IRF6: variants seen among roughly 807,000 people sequenced by gnomAD.
The protein encoded by IRF6 is Van der Woude syndrome.
A neutral mutation model predicts 51.4 loss-of-function variants in IRF6; 6 were observed. The ratio of observed to expected loss-of-function variants is 0.12; its 90% CI spans 0.06 to 0.23. The LOEUF (loss-of-function observed/expected upper bound fraction) is 0.23. Ranked by LOEUF, IRF6 falls within the 10% of genes least tolerant of loss-of-function variation. The probability of loss-of-function intolerance (pLI) is 1.00; values close to 1 mark genes in which losing one functional copy is unlikely to be tolerated. For missense variants in IRF6, 348 were observed against 585.2 expected, an observed-to-expected ratio of 0.59 and a Z score of 4.18; for synonymous variants, 178 against 215.7, an observed-to-expected ratio of 0.83 and a Z score of 1.53.
At chr1:209,804,110 T>TA (rs1293293848) in intron 1 of IRF6, among the ~76,000 whole-genome samples, 1 of 152,254 alleles carries the variant, frequency 6.6e-6, no homozygotes, top group Non-Finnish European at 1.5e-5. Context: ...ATTTATAATT[T>TA]AAAAAACTAC....
chr1:209,797,457 C>T (rs908690318), intron 3 of IRF6, among the ~76,000 whole-genome samples: 8 of 151,624 alleles, frequency 5.3e-5, no homozygotes, highest in Non-Finnish European at 1.0e-4. Flanking sequence ...TCAGCTTGTC[C>T]CTCTGGCTGA....
At chr1:209,802,878 C>A (rs2077952201) in intron 1 of IRF6, among the ~76,000 whole-genome samples, 1 of 152,222 alleles carries the variant, frequency 6.6e-6, no homozygotes, top group African/African-American at 2.4e-5. Context: ...TGGCCCATAA[C>A]ACCACTTCTC....
chr1:209,803,290 T>A (rs1452207190), intron 1 of IRF6, among the ~76,000 whole-genome samples: 1 of 152,198 alleles, frequency 6.6e-6, no homozygotes, highest in East Asian at 1.9e-4. Context: ...GTCAATCTAG[T>A]AAAGAGCTTT....
Position 209,796,634 on chromosome 1 carries a change from A to ACACACACACACAC in IRF6, c.175-83_175-82insGTGTGTGTGTGTG. On this transcript the variant is annotated intron_variant, in intron 3 of 8. Transcript: ENST00000367021. The surrounding 1 kb of genome is among the most constrained non-coding windows in gnomAD (Gnocchi z 4.5). ...GTGCTTACCCTTTCTCATAGACACAAACACACACACACACACACACACACA... is the reference window on the plus strand; with the variant it reads ...GTGCTTACCCTTTCTCATAGACACAACACACACACACACACACACACACACACACACACACACA... 1.8e-6 allele frequency: 1 copy of ACACACACACACAC among 540,926 alleles called. No individual in the cohort carries two copies. Among genetic ancestry groups the ACACACACACACAC allele is most frequent in the South Asian group, 2.1e-5 (1 of 48,442 alleles). 33.5% of individuals were successfully genotyped at this position (540,926 alleles called of 1,614,324 possible). A position where few individuals can be genotyped will look rare whatever the true frequency, so the allele number is the denominator to read the frequency against.
chr1:209,799,426 G>A (rs554063771), intron 3 of IRF6, among the ~76,000 whole-genome samples: 2 of 152,308 alleles, frequency 1.3e-5, no homozygotes, highest in South Asian at 4.1e-4. Flanking sequence ...CCCTTACAGG[G>A]TTGTCACGAG....
intron 6 of IRF6, among the ~76,000 whole-genome samples, chr1:209,791,432 T>C (rs1276393311): frequency 6.6e-6 from 1 of 152,212 alleles, no homozygotes; most frequent in Non-Finnish European, 1.5e-5. Flanking sequence ...ATAGCCCCTA[T>C]CAAAGCTACT....
chr1:209,792,608 C>G, intron 5 of IRF6, 181 bp from the exon 6 acceptor site: 2 of 633,938 alleles, frequency 3.2e-6, no homozygotes, highest in Non-Finnish European at 5.5e-6. Context: ...TTCCCCTGCT[C>G]CTGCTTCCTA....
intron 3 of IRF6, 63 bp downstream of exon 3, chr1:209,801,177 C>T (rs2077938750): frequency 1.5e-6 from 2 of 1,306,452 alleles, no homozygotes; most frequent in Non-Finnish European, 2.1e-6. Flanking sequence ...AGTGTATTCC[C>T]CATGCCAAAA....
At chr1:209,804,753 C>T (rs3753517) in intron 1 of IRF6, among the ~76,000 whole-genome samples, 6,845 of 152,236 alleles carry the variant, frequency 0.045, 816 homozygotes, top group East Asian at 0.41. Context: ...AGCAGGTCCT[C>T]CATAAACACC....
In IRF6 at chr1:209,806,091, T is replaced by C. The variant is rs897801409; in HGVS notation, c.-220A>G. The C allele has an allele frequency of 6.6e-6, 1 of 152,330 alleles. No individual in the cohort carries two copies. Among genetic ancestry groups the C allele is most frequent in the African/African-American group, 2.4e-5 (1 of 41,422 alleles). The allele number at this position is 152,330 out of a possible 1,614,324, so 9.4% of individuals were successfully genotyped here. The stretch of plus-strand genomic sequence containing the variant: ...TAGGGACTGCAGGTTCCTCTCCCCG[T>C]CCCGCACCAGCCCTTACCTGCCCAG... On this transcript the variant is annotated 5_prime_UTR_variant, in exon 1 of 9. Transcript: ENST00000367021.
At chr1:209,805,450 G>A (rs1253002668) in intron 1 of IRF6, among the ~76,000 whole-genome samples, 1 of 152,180 alleles carries the variant, frequency 6.6e-6, no homozygotes, top group Non-Finnish European at 1.5e-5. Flanking sequence ...CAGGCCCAGG[G>A]CGAAGGGCCT....
At chr1:209,794,277 G>A (rs970170336) in intron 5 of IRF6, among the ~76,000 whole-genome samples, 7 of 152,206 alleles carry the variant, frequency 4.6e-5, no homozygotes, top group Admixed American at 2.6e-4. Context: ...ACTGGTGTGA[G>A]ATGGTATTTC....
chr1:209,805,659 T>C (rs1049061999), intron 1 of IRF6, among the ~76,000 whole-genome samples: 10 of 152,150 alleles, frequency 6.6e-5, no homozygotes, highest in African/African-American at 2.4e-4. Flanking sequence ...TACCGGATAG[T>C]GGGGTTGTTG....
rs2077904562 is a variant in IRF6 at position 209,796,750 on chromosome 1, C to CGAGG, written c.175-199_175-198insCCTC. On this transcript the variant is annotated intron_variant, in intron 3 of 8. Coordinates refer to ENST00000367021, the MANE Select transcript of IRF6 (RefSeq NM_006147.4). The surrounding 1 kb of genome is among the most constrained non-coding windows in gnomAD (Gnocchi z 4.5). ...GCAGCAGGAAACACTGCCCTTAGGA[C>CGAGG]CAGGCAAGACAGGTGCCTAAGGGAA... Among the ~76,000 whole-genome samples, 1 of 151,790 alleles carries CGAGG rather than the reference C, an allele frequency of 6.6e-6. No homozygotes were observed. The highest frequency in any genetic ancestry group is 2.1e-4 in the South Asian group (1 of 4,818).
chr1:209,801,230 A>C lies in IRF6; in HGVS notation c.174+10T>G, dbSNP rs780641674. The C allele has an allele frequency of 1.7e-5, 28 of 1,603,684 alleles. No individual in the cohort carries two copies. The highest frequency in any genetic ancestry group is 2.2e-5 in the Non-Finnish European group (26 of 1,171,860). The stretch of plus-strand genomic sequence containing the variant: ...TCCAGAAAGGTCTGATGGTAGAAGA[A>C]GTCCTTTACCTTAAAAATGGTATTT... On this transcript the variant is annotated intron_variant, in intron 3 of 8. Transcript: ENST00000367021.
At chr1:209,800,346 G>A (rs1284018150) in intron 3 of IRF6, among the ~76,000 whole-genome samples, 1 of 152,174 alleles carries the variant, frequency 6.6e-6, no homozygotes, top group Non-Finnish European at 1.5e-5. Flanking sequence ...TAAATAAAAT[G>A]ACTGTCATAT....
In IRF6 at chr1:209,794,614, G is replaced by A. The variant is rs144242468; in HGVS notation, c.508+676C>T. Among the ~76,000 whole-genome samples, 156 of 152,308 alleles carry A rather than the reference G, an allele frequency of 1.0e-3. 1 individual carries two copies. In the Middle Eastern group the frequency reaches 0.024, roughly 23 times the overall value. ...GCTTGGCTGGATGCAAGTCATTTGC[G>A]TAGGAGCATTTCAGTGGACAAATGA... is the stretch of plus-strand genomic sequence containing the variant. On this transcript the variant is annotated intron_variant, in intron 5 of 8. Coordinates refer to ENST00000367021, the MANE Select transcript of IRF6 (RefSeq NM_006147.4).
Position 209,788,443 on chromosome 1 carries a change from G to T in IRF6, c.1381C>A (p.Pro461Thr). The change falls in exon 9 of 9, where the codon CCC becomes ACC. Residue 461 changes from proline (P) to threonine (T), a missense_variant. Pro to Thr is a conservative substitution (Grantham distance 38, BLOSUM62 -1). Around this residue, in one of 5 missense-constraint regions of IRF6, gnomAD observed 48 missense variants for 66.9 expected, o/e 0.72. Coordinates refer to ENST00000367021, the MANE Select transcript of IRF6 (RefSeq NM_006147.4). ...PMQPTPSMQL[P>T]PALPPQ The stretch of plus-strand genomic sequence containing the variant: ...AATTACTGGGGAGGCAGGGCAGGGG[G>T]CAGTTGCATGCTGGGGGTGGGCTGC... The T allele has an allele frequency of 6.2e-7, 1 of 1,611,794 alleles. No individual in the cohort carries two copies. The highest frequency in any genetic ancestry group is 8.5e-7 in the Non-Finnish European group (1 of 1,178,218).
At chr1:209,792,118 C>T (rs2077872225) in intron 6 of IRF6, 151 bp downstream of exon 6, 1 of 830,628 alleles carries the variant, frequency 1.2e-6, no homozygotes, top group Admixed American at 2.2e-5. Context: ...TCCCTGGTGA[C>T]TCATGGGCTA....
Sources: gnomAD v4.1 joint callset for allele counts (sites outside exome capture counted in the v4.1 genomes callset) on GRCh38, gnomAD v4.1.1 for gene constraint, gnomAD v4.1.1 regional missense constraint, Gnocchi (gnomAD v3.1) non-coding constraint, MANE v1.5 for transcripts, NCBI Gene and HGNC (gene_info 2026-07-23, HGNC 2026-07-21) for gene names.